Variants in TPO observed in about 807,000 individuals in gnomAD.
TPO encodes thyroid microsomal antigen.
TPO carries 78 observed loss-of-function variants against 96.9 expected under a neutral mutation model. The ratio of observed to expected loss-of-function variants is 0.81; its 90% CI spans 0.67 to 0.97. TPO has a LOEUF of 0.97. Among genes scored for constraint, TPO ranks in the 50% least tolerant of loss-of-function variants. TPO has a pLI of 0.00. For missense variants in TPO, 1,252 were observed against 1,274.8 expected, an observed-to-expected ratio of 0.98 and a Z score of 0.27; for synonymous variants, 547 against 538.0, an observed-to-expected ratio of 1.02 and a Z score of -0.23.
intron 1 of TPO, among the ~76,000 whole-genome samples, chr2:1,397,972 C>T (rs1229781473): frequency 6.6e-6 from 1 of 152,222 alleles, no homozygotes; most frequent in Non-Finnish European, 1.5e-5. Flanking sequence ...GAAAAAAGTA[C>T]TTCCCATGCC....
intron 15 of TPO, among the ~76,000 whole-genome samples, chr2:1,539,903 A>C (rs1680525090): frequency 6.6e-6 from 1 of 152,150 alleles, no homozygotes; most frequent in South Asian, 2.1e-4. Flanking sequence ...AAAACGCAGA[A>C]TCAAGGGAAA....
Position 1,433,517 on chromosome 2 carries a change from AT to A in TPO, c.261del (p.Ile87MetfsTer7). 6.2e-7 allele frequency: 1 copy of A among 1,614,222 alleles called. No individual in the cohort carries two copies. The highest frequency in any genetic ancestry group is 8.5e-7 in the Non-Finnish European group (1 of 1,180,034). On this transcript the variant is annotated frameshift_variant, in exon 4 of 17. Transcript: ENST00000329066. LOFTEE classifies it high-confidence loss of function. ...ACTTCCTGAGCCAACAAGCGGAGTG[AT>A]TGCCCGAGCAGCAGAGATAATGGAA... Reference protein sequence around the residue: ...SKLPEPTSGVIARAAEIMETS... With the variant: ...SKLPEPTSGVXARAAEIMETS...
intron 6 of TPO, among the ~76,000 whole-genome samples, chr2:1,454,596 C>T (rs1326210635): frequency 6.6e-6 from 1 of 152,150 alleles, no homozygotes; most frequent in Non-Finnish European, 1.5e-5. Flanking sequence ...GCTCGGTGCT[C>T]CCAGCAGCAG....
At chr2:1,375,932 C>T (rs1661716126) in intron 1 of TPO, among the ~76,000 whole-genome samples, 1 of 152,132 alleles carries the variant, frequency 6.6e-6, no homozygotes, top group African/African-American at 2.4e-5. Context: ...TTCTCTAATG[C>T]TATGCATGAG....
At chr2:1,509,725 G>GCCCACCCTCTTTTTTCAGGGACAC (rs375563935) in intron 14 of TPO, among the ~76,000 whole-genome samples, 5 of 137,806 alleles carry the variant, frequency 3.6e-5, no homozygotes, top group Non-Finnish European at 7.6e-5. Context: ...GTCAGGCACA[G>GCCCACCCTCTTTTTTCAGGGACAC]CCCACCCTCT....
chr2:1,507,943 A>G (rs543562411), intron 14 of TPO, among the ~76,000 whole-genome samples: 3 of 151,968 alleles, frequency 2.0e-5, no homozygotes, highest in Non-Finnish European at 2.9e-5. Context: ...TGGTGAGAGA[A>G]GGCATCCCTG....
rs139292269 is a variant in TPO at position 1,433,511 on chromosome 2, G to A, written c.253G>A (p.Gly85Arg). Residue 85 changes from glycine (G) to arginine (R), a missense_variant, in exon 4 of 17, where the codon GGA (glycine) becomes AGA (arginine). Gly to Arg is a moderately radical substitution (Grantham distance 125). Coordinates refer to ENST00000329066, the MANE Select transcript of TPO (RefSeq NM_001206744.2). Reference protein sequence around the residue: ...SFSKLPEPTSGVIARAAEIME... With the variant: ...SFSKLPEPTSRVIARAAEIME... ...TTCCAAACTTCCTGAGCCAACAAGCGGAGTGATTGCCCGAGCAGCAGAGAT... is the reference window on the plus strand; with the variant it reads ...TTCCAAACTTCCTGAGCCAACAAGCAGAGTGATTGCCCGAGCAGCAGAGAT... The A allele has an allele frequency of 3.8e-5, 61 of 1,614,186 alleles. No individual in the cohort carries two copies. In the African/African-American group the frequency reaches 4.4e-4, roughly 12 times the overall value.
intron 14 of TPO, among the ~76,000 whole-genome samples, chr2:1,510,040 T>C (rs1383350876): frequency 6.6e-6 from 1 of 152,116 alleles, no homozygotes; most frequent in East Asian, 1.9e-4. Flanking sequence ...CCCCTCACAC[T>C]CATTGTTTTA....
At position 1,466,864 on chromosome 2, in the gene TPO, G is replaced by T. The variant is rs558152818; in HGVS notation, c.820-10222G>T. On this transcript the variant is annotated intron_variant, in intron 7 of 16. Coordinates refer to ENST00000329066, the MANE Select transcript of TPO (RefSeq NM_001206744.2). ...TTCATTTATCTTTTGTATTTTTTTT[G>T]TTGTTGTTTCAATTTCATTTAGTTC... is the stretch of plus-strand genomic sequence containing the variant. Among the ~76,000 whole-genome samples, 867 of 151,608 alleles carry T rather than the reference G, an allele frequency of 5.7e-3. 8 individuals are homozygous for T. Among genetic ancestry groups the T allele is most frequent in the African/African-American group, 0.019 (806 of 41,342 alleles).
chr2:1,426,812 C>T (rs773326586), intron 3 of TPO, among the ~76,000 whole-genome samples: 2 of 152,110 alleles, frequency 1.3e-5, no homozygotes, highest in Non-Finnish European at 2.9e-5. Context: ...TACTTTTATC[C>T]TTCAAAACAC....
intron 15 of TPO, among the ~76,000 whole-genome samples, chr2:1,526,452 A>C (rs1676522778): frequency 1.6e-5 from 2 of 123,066 alleles, no homozygotes; most frequent in Admixed American, 2.0e-4. Context: ...ACTGTGTGCA[A>C]CCTCCCCAAA....
At chr2:1,428,426 C>T (rs1567918) in intron 3 of TPO, among the ~76,000 whole-genome samples, 2,703 of 152,264 alleles carry the variant, frequency 0.018, 86 homozygotes, top group East Asian at 0.13. Context: ...CTCTGAGCTA[C>T]ACGGCAGTTG....
intron 6 of TPO, among the ~76,000 whole-genome samples, chr2:1,454,251 T>A (rs998336910): frequency 2.0e-5 from 3 of 152,254 alleles, no homozygotes; most frequent in Non-Finnish European, 4.4e-5. Context: ...TAGAATCTAC[T>A]GGTCTATTTG....
In TPO at chr2:1,531,513, C is replaced by T. The variant is rs1678239826; in HGVS notation, c.2619-9081C>T. ...ACTCTGTGCAACCTCCCAAAATTGC[C>T]CCCACTGTGTGCAACCTCCTCAAAT... On this transcript the variant is annotated intron_variant, in intron 15 of 16. Coordinates refer to ENST00000329066, the MANE Select transcript of TPO (RefSeq NM_001206744.2). Among the ~76,000 whole-genome samples the T allele has an allele frequency of 2.0e-5, 2 of 101,358 alleles. 1 individual carries two copies. The highest frequency in any genetic ancestry group is 6.4e-4 in the East Asian group (2 of 3,146). The allele number at this position is 101,358 out of a possible 152,430, so 66.5% of individuals were successfully genotyped here.
intron 3 of TPO, among the ~76,000 whole-genome samples, chr2:1,432,497 C>T (rs1665082953): frequency 6.7e-6 from 1 of 149,516 alleles, no homozygotes; most frequent in African/African-American, 2.5e-5. Context: ...TGAGGGGAGG[C>T]CCCAGGTGTG....
rs539432396 is a variant in TPO, at chr2:1,533,818, C to A, written c.2619-6776C>A. On this transcript the variant is annotated intron_variant, in intron 15 of 16. Coordinates refer to ENST00000329066, the MANE Select transcript of TPO (RefSeq NM_001206744.2). ...AGTGTGTGCAACGTCCCCAAATCGCCCCACTGTGTGCATTCTCCTCAAATG... is the reference window on the plus strand; with the variant it reads ...AGTGTGTGCAACGTCCCCAAATCGCACCACTGTGTGCATTCTCCTCAAATG... Among the ~76,000 whole-genome samples the A allele has an allele frequency of 6.3e-4, 53 of 84,502 alleles. 4 individuals carry two copies. Among genetic ancestry groups the A allele is most frequent in the Non-Finnish European group, 1.2e-3 (49 of 40,054 alleles). 55.4% of individuals were successfully genotyped at this position (84,502 alleles called of 152,430 possible).
chr2:1,412,037 T>TC (rs1372955588), upstream of TPO, among the ~76,000 whole-genome samples: 1 of 152,090 alleles, frequency 6.6e-6, no homozygotes, highest in Non-Finnish European at 1.5e-5. Context: ...CACTACTGTA[T>TC]CCCCCCTCAG....
intron 1 of TPO, among the ~76,000 whole-genome samples, chr2:1,385,742 T>G (rs143912416): frequency 0.012 from 1,804 of 152,302 alleles, 41 homozygotes; most frequent in African/African-American, 0.041. Flanking sequence ...TAGTTATTTC[T>G]TGGCTTCTGC....
At chr2:1,449,032 A>G (rs1208212306) in intron 5 of TPO, among the ~76,000 whole-genome samples, 3 of 152,212 alleles carry the variant, frequency 2.0e-5, no homozygotes, top group Admixed American at 6.5e-5. Flanking sequence ...TCCAGCGGCC[A>G]TTCTGCACTA....
Sources: allele counts gnomAD v4.1 joint callset (sites outside exome capture counted in the v4.1 genomes callset), GRCh38; gene constraint gnomAD v4.1.1; transcripts MANE v1.5; gene names NCBI Gene and HGNC (gene_info 2026-07-23, HGNC 2026-07-21).